Variants in RUNDC3B observed in about 807,000 individuals in gnomAD.
RUNDC3B encodes the protein RUN domain containing 3B, also known as RUN domain-containing protein 3B.
In RUNDC3B, 33 loss-of-function variants were observed where a neutral mutation model predicts 58.4. That is an observed-to-expected ratio of 0.56 (90% CI 0.43 to 0.75). RUNDC3B has a LOEUF of 0.75. RUNDC3B is among the 30% of genes least tolerant of loss of function. The probability of loss-of-function intolerance (pLI) is 0.00; values close to 1 mark genes in which losing one functional copy is unlikely to be tolerated. For synonymous variants in RUNDC3B, 193 were observed against 195.2 expected (o/e 0.99, Z 0.10); for missense variants, 501 against 535.7 (o/e 0.94, Z 0.64).
intron 6 of RUNDC3B, among the ~76,000 whole-genome samples, chr7:87,764,015 C>T (rs1273552624): frequency 6.6e-6 from 1 of 151,722 alleles, no homozygotes; most frequent in African/African-American, 2.4e-5. Flanking sequence ...TAATTTCTGA[C>T]CTTGATTTCT....
At chr7:87,644,453 T>G (rs1218659760) in intron 1 of RUNDC3B, among the ~76,000 whole-genome samples, 1 of 152,242 alleles carries the variant, frequency 6.6e-6, no homozygotes, top group African/African-American at 2.4e-5. Flanking sequence ...TTTGAAATAG[T>G]GGAGAGTTCT....
intron 2 of RUNDC3B, among the ~76,000 whole-genome samples, chr7:87,687,071 C>T (rs537112427): frequency 2.2e-4 from 34 of 152,120 alleles, no homozygotes; most frequent in Non-Finnish European, 2.4e-4. Context: ...TGTTAAATTG[C>T]GTATAATTTA....
intron 2 of RUNDC3B, among the ~76,000 whole-genome samples, chr7:87,697,623 G>T (rs1828605612): frequency 1.3e-5 from 2 of 152,140 alleles, no homozygotes; most frequent in Admixed American, 1.3e-4. Context: ...GGAGAGCTTG[G>T]TCCCTGTAAC....
rs55824547 is a variant in RUNDC3B at position 87,757,593 on chromosome 7, A to G, written c.630-12988A>G. Among the ~76,000 whole-genome samples the G allele has an allele frequency of 2.4e-3, 359 of 152,288 alleles. 2 individuals carry two copies. Among genetic ancestry groups the G allele is most frequent in the Non-Finnish European group, 3.1e-3 (209 of 68,008 alleles). On this transcript the variant is annotated intron_variant, in intron 6 of 10. Coordinates refer to ENST00000394654, the MANE Select transcript of RUNDC3B (RefSeq NM_001134405.2). Reference sequence around the variant, plus strand: ...GAAAATTCAGTGTCCCATCACACCAAGCAATCTATAGACCCAATGTATTTG... The same window carrying G: ...GAAAATTCAGTGTCCCATCACACCAGGCAATCTATAGACCCAATGTATTTG...
At chr7:87,708,381 A>C (rs1239762438) in intron 3 of RUNDC3B, among the ~76,000 whole-genome samples, 1 of 152,162 alleles carries the variant, frequency 6.6e-6, no homozygotes, top group Non-Finnish European at 1.5e-5. Context: ...CTATTATATA[A>C]ATTTGAAAAT....
intron 10 of RUNDC3B, among the ~76,000 whole-genome samples, chr7:87,823,070 CAT>C (rs1196897962): frequency 5.3e-5 from 8 of 151,924 alleles, no homozygotes; most frequent in South Asian, 2.1e-4. Flanking sequence ...AAAAAGATCA[CAT>C]GTGTAAACAA....
At chr7:87,701,370 C>T (rs915388633) in intron 3 of RUNDC3B, among the ~76,000 whole-genome samples, 3 of 152,156 alleles carry the variant, frequency 2.0e-5, no homozygotes, top group African/African-American at 7.2e-5. Context: ...ATTTTAGAAA[C>T]TTGTGTTCAC....
At position 87,628,661 on chromosome 7, in the gene RUNDC3B, G is replaced by C; in HGVS notation, c.-163G>C. On this transcript the variant is annotated 5_prime_UTR_variant, in exon 1 of 11. Coordinates refer to ENST00000394654, the MANE Select transcript of RUNDC3B (RefSeq NM_001134405.2). Reference sequence around the variant, plus strand: ...GCCAAGGGCGAGCCGTCAGTCCCCGGGTGCGAGTCCCTGCTGTCTTCCACA... The same window carrying C: ...GCCAAGGGCGAGCCGTCAGTCCCCGCGTGCGAGTCCCTGCTGTCTTCCACA... 1 of 406,146 alleles carries C rather than the reference G, an allele frequency of 2.5e-6. No individual in the cohort carries two copies. Among genetic ancestry groups the C allele is most frequent in the Non-Finnish European group, 4.2e-6 (1 of 236,944 alleles). 25.2% of individuals were successfully genotyped at this position (406,146 alleles called of 1,614,324 possible). A position where few individuals can be genotyped will look rare whatever the true frequency, so the allele number is the denominator to read the frequency against.
intron 7 of RUNDC3B, among the ~76,000 whole-genome samples, chr7:87,771,011 G>A (rs1007983046): frequency 6.6e-6 from 1 of 152,040 alleles, no homozygotes. Flanking sequence ...TGAGATTTTA[G>A]TTTCTATGAT....
At chr7:87,685,444 C>T (rs1157621985) in intron 2 of RUNDC3B, among the ~76,000 whole-genome samples, 2 of 152,170 alleles carry the variant, frequency 1.3e-5, no homozygotes, top group Non-Finnish European at 2.9e-5. Context: ...ACCCAAGTAT[C>T]TTTCATGTGA....
rs565475473 is a variant in RUNDC3B at position 87,741,896 on chromosome 7, A to G, written c.629+317A>G. Among the ~76,000 whole-genome samples, 13 of 152,336 alleles carry G rather than the reference A, an allele frequency of 8.5e-5. 1 individual carries two copies. The highest frequency in any genetic ancestry group is 3.1e-4 in the African/African-American group (13 of 41,586). On this transcript the variant is annotated intron_variant, in intron 6 of 10. Coordinates refer to ENST00000394654, the MANE Select transcript of RUNDC3B (RefSeq NM_001134405.2). ...AATAGTCTACTGAGATTTTGAAACT[A>G]TAATTCAGTATTTAGATTGTTTTCC...
At chr7:87,736,730 T>C (rs1831955539) in intron 4 of RUNDC3B, among the ~76,000 whole-genome samples, 1 of 148,804 alleles carries the variant, frequency 6.7e-6, no homozygotes, top group African/African-American at 2.5e-5. Context: ...TCAACATTTA[T>C]AATATGTTGA....
At chr7:87,755,889 A>G (rs1563188126) in intron 6 of RUNDC3B, among the ~76,000 whole-genome samples, 1 of 152,158 alleles carries the variant, frequency 6.6e-6, no homozygotes, top group African/African-American at 2.4e-5. Context: ...GGCAAGAGAA[A>G]GAAATAAAGG....
rs370377692 is a variant in RUNDC3B, at chr7:87,761,164, A to C, written c.630-9417A>C. On this transcript the variant is annotated intron_variant, in intron 6 of 10. Transcript: ENST00000394654. ...AAACAACCCGATTTTAAAATGGGCTAAGGACTTAAATAAACATTTCTCCAA... is the reference window on the plus strand; with the variant it reads ...AAACAACCCGATTTTAAAATGGGCTCAGGACTTAAATAAACATTTCTCCAA... 7.2e-5 allele frequency among the ~76,000 whole-genome samples: 11 copies of C among 152,092 alleles called. No homozygotes were observed. In the East Asian group the frequency reaches 2.1e-3, roughly 29 times the overall value.
At chr7:87,808,604 G>T (rs1191947136) in intron 9 of RUNDC3B, among the ~76,000 whole-genome samples, 1 of 152,004 alleles carries the variant, frequency 6.6e-6, no homozygotes, top group South Asian at 2.1e-4. Flanking sequence ...CACATTATTT[G>T]CAGAATAAAT....
intron 2 of RUNDC3B, among the ~76,000 whole-genome samples, chr7:87,670,913 T>C (rs1013545418): frequency 6.6e-6 from 1 of 152,236 alleles, no homozygotes; most frequent in Non-Finnish European, 1.5e-5. Context: ...CCTTGAATGC[T>C]GGCTGTAGAT....
At chr7:87,661,824 C>T (rs1824744520) in intron 2 of RUNDC3B, among the ~76,000 whole-genome samples, 3 of 151,976 alleles carry the variant, frequency 2.0e-5, no homozygotes, top group Admixed American at 2.0e-4. Context: ...TGAGAAACCC[C>T]TATACTTTTC....
At chr7:87,731,313 C>G (rs1425263537) in intron 4 of RUNDC3B, among the ~76,000 whole-genome samples, 2 of 151,880 alleles carry the variant, frequency 1.3e-5, no homozygotes, top group Non-Finnish European at 2.9e-5. Flanking sequence ...AGGCTTATCA[C>G]AATAAAAATA....
intron 6 of RUNDC3B, among the ~76,000 whole-genome samples, chr7:87,755,911 G>A (rs1035641963): frequency 9.9e-5 from 15 of 152,188 alleles, no homozygotes; most frequent in Admixed American, 9.8e-4. Context: ...CATCTAAATA[G>A]GAAGATAGGG....
Sources: gnomAD v4.1 joint callset for allele counts (sites outside exome capture counted in the v4.1 genomes callset) on GRCh38, gnomAD v4.1.1 for gene constraint, MANE v1.5 for transcripts, NCBI Gene and HGNC (gene_info 2026-07-23, HGNC 2026-07-21) for gene names.